The following C12orf60 variants were observed in gnomAD, a reference collection of about 807,000 sequenced individuals.
C12orf60 encodes the protein uncharacterized protein C12orf60.
For missense variants in C12orf60, 284 were observed against 283.2 expected (o/e 1.00, Z -0.02); for synonymous variants, 102 against 94.6 (o/e 1.08, Z -0.45).
intron 1 of C12orf60, 26 bp from the exon 2 acceptor site, chr12:14,822,886 A>G (rs778101680): frequency 6.6e-7 from 1 of 1,506,038 alleles, no homozygotes; most frequent in Non-Finnish European, 8.9e-7. Flanking sequence ...TTTATTTTTC[A>G]TTTGGATTAC....
intron 1 of C12orf60, among the ~76,000 whole-genome samples, chr12:14,817,904 A>G (rs1392863397): frequency 6.6e-6 from 1 of 152,226 alleles, no homozygotes; most frequent in East Asian, 1.9e-4. Flanking sequence ...AGGAATTGCC[A>G]TACTATCTTC....
intron 1 of C12orf60, chr12:14,805,852 T>G: frequency 1.3e-6 from 1 of 778,994 alleles, no homozygotes; most frequent in Non-Finnish European, 2.0e-6. Context: ...TCTAGTCATC[T>G]AGTCTTGGCA....
At chr12:14,817,268 A>G (rs977367220) in intron 1 of C12orf60, among the ~76,000 whole-genome samples, 2 of 152,172 alleles carry the variant, frequency 1.3e-5, no homozygotes, top group Admixed American at 1.3e-4. Context: ...ATGTTTTTGC[A>G]TATGGGTATC....
rs558805366 is a variant in C12orf60, at chr12:14,816,490, A to C, written c.-24-6422A>C. On this transcript the variant is annotated intron_variant, in intron 1 of 1. Coordinates refer to ENST00000330828, the MANE Select transcript of C12orf60 (RefSeq NM_175874.4). ...AAACCTAAAAATAATCACCTTTTTG[A>C]CCCAATAGCCTCCTTTATCTTTCTT... Among the ~76,000 whole-genome samples, 4 of 152,074 alleles carry C rather than the reference A, an allele frequency of 2.6e-5. No individual in the cohort carries two copies. In the East Asian group the frequency reaches 7.7e-4, roughly 29 times the overall value.
intron 1 of C12orf60, chr12:14,806,365 C>G: frequency 6.2e-7 from 1 of 1,614,188 alleles, no homozygotes; most frequent in Non-Finnish European, 8.5e-7. Flanking sequence ...TTGTCTGTTT[C>G]CTTTTCCTTA....
chr12:14,807,004 TGTATTTTA>T (rs1465187954), intron 1 of C12orf60, among the ~76,000 whole-genome samples: 1 of 152,144 alleles, frequency 6.6e-6, no homozygotes, highest in Admixed American at 6.5e-5. Context: ...GCTAGATTTT[TGTATTTTA>T]GTAGAGACAG....
At chr12:14,812,658 A>G (rs1950159398) in intron 1 of C12orf60, among the ~76,000 whole-genome samples, 3 of 152,124 alleles carry the variant, frequency 2.0e-5, no homozygotes, top group East Asian at 3.9e-4. Flanking sequence ...AATTTTTATT[A>G]CTTTTGATAT....
chr12:14,819,601 G>C (rs559636973), intron 1 of C12orf60, among the ~76,000 whole-genome samples: 4 of 152,216 alleles, frequency 2.6e-5, no homozygotes, highest in African/African-American at 7.2e-5. Context: ...CCAATCCTGG[G>C]GGGTAGCAAC....
chr12:14,815,392 G>A (rs67972649), intron 1 of C12orf60, among the ~76,000 whole-genome samples: 22,871 of 152,166 alleles, frequency 0.15, 2,004 homozygotes, highest in Non-Finnish European at 0.2. Context: ...AATACAGATA[G>A]AGGGAACACT....
At chr12:14,817,084 G>A (rs752265688) in intron 1 of C12orf60, among the ~76,000 whole-genome samples, 11 of 151,922 alleles carry the variant, frequency 7.2e-5, no homozygotes, top group Non-Finnish European at 1.0e-4. Context: ...CCAATTTATC[G>A]TTTTTTCTTT....
At chr12:14,808,639 AAG>A (rs1226610050) in intron 1 of C12orf60, among the ~76,000 whole-genome samples, 2 of 152,204 alleles carry the variant, frequency 1.3e-5, no homozygotes, top group Non-Finnish European at 2.9e-5. Context: ...GGCAACGGAA[AAG>A]AGAAAATTTT....
intron 1 of C12orf60, among the ~76,000 whole-genome samples, chr12:14,816,585 T>G (rs575243631): frequency 1.3e-5 from 2 of 152,316 alleles, no homozygotes; most frequent in South Asian, 4.1e-4. Context: ...CCATTAATTT[T>G]CCAGTATTTA....
At chr12:14,819,245 A>G (rs1200603606) in intron 1 of C12orf60, among the ~76,000 whole-genome samples, 9 of 152,100 alleles carry the variant, frequency 5.9e-5, no homozygotes, top group Admixed American at 5.9e-4. Flanking sequence ...CTTAGTGCAC[A>G]GATTATGCAC....
At chr12:14,805,144 A>C (rs1950028812) in intron 1 of C12orf60, 1 of 152,192 alleles carries the variant, frequency 6.6e-6, no homozygotes, top group Non-Finnish European at 1.5e-5. Context: ...AAATGAAATT[A>C]TATTCTTTTT....
chr12:14,819,542 A>G (rs1950273959), intron 1 of C12orf60, among the ~76,000 whole-genome samples: 1 of 152,148 alleles, frequency 6.6e-6, no homozygotes, highest in African/African-American at 2.4e-5. Flanking sequence ...TAGGATTTCC[A>G]GTATGATATT....
chr12:14,819,481 C>G (rs1261072112), intron 1 of C12orf60, among the ~76,000 whole-genome samples: 1 of 152,068 alleles, frequency 6.6e-6, no homozygotes, highest in Admixed American at 6.5e-5. Context: ...GTAGTTTTAT[C>G]TCTTCCTTCT....
chr12:14,809,762 TA>T (rs907050113), intron 1 of C12orf60, among the ~76,000 whole-genome samples: 1 of 151,944 alleles, frequency 6.6e-6, no homozygotes, highest in African/African-American at 2.4e-5. Flanking sequence ...ATGGCCAATG[TA>T]AAAAGAACTG....
chr12:14,806,337 T>A, intron 1 of C12orf60: 1 of 1,614,226 alleles, frequency 6.2e-7, no homozygotes. Context: ...CGAAATAACC[T>A]TTTGCACTAT....
intron 1 of C12orf60, among the ~76,000 whole-genome samples, chr12:14,818,487 A>T: frequency 6.6e-6 from 1 of 152,194 alleles, no homozygotes; most frequent in East Asian, 1.9e-4. Context: ...CTTTGTTAAA[A>T]ATCAGTTGAC....
Sources: allele counts gnomAD v4.1 joint callset (sites outside exome capture counted in the v4.1 genomes callset), GRCh38; gene constraint gnomAD v4.1.1; transcripts MANE v1.5; gene names NCBI Gene and HGNC (gene_info 2026-07-23, HGNC 2026-07-21).